SLIT2: variants seen among roughly 807,000 people sequenced by gnomAD.
SLIT2 encodes slit homolog 2 protein.
SLIT2 carries 41 observed loss-of-function variants against 185.7 expected under a neutral mutation model. That is an observed-to-expected ratio of 0.22 (90% CI 0.17 to 0.29). The LOEUF (loss-of-function observed/expected upper bound fraction) is 0.29. Ranked by LOEUF, SLIT2 falls within the 10% of genes least tolerant of loss-of-function variation. The pLI is 1.00. For missense variants in SLIT2, 1,571 were observed against 1,909.0 expected, an observed-to-expected ratio of 0.82 and a Z score of 3.30; for synonymous variants, 693 against 680.2, an observed-to-expected ratio of 1.02 and a Z score of -0.29.
chr4:20,268,820 A>G lies in SLIT2; in HGVS notation c.334A>G (p.Arg112Gly). Reference sequence around the variant, plus strand: ...TTGTTTTCTCAAAAGGCGTTTAAACAGAAATCACCTTCAGCTGTTTCCTGA... The same window carrying G: ...TTGTTTTCTCAAAAGGCGTTTAAACGGAAATCACCTTCAGCTGTTTCCTGA... ...LKELERLRLN[R>G]NHLQLFPELL... The change falls in exon 4 of 37, where the codon AGA (arginine) becomes GGA (glycine). Residue 112 changes from arginine (R) to glycine (G), a missense_variant. Transcript: ENST00000504154. The G allele has an allele frequency of 3.7e-6, 6 of 1,610,530 alleles. No homozygotes were observed. Among genetic ancestry groups the G allele is most frequent in the Admixed American group, 3.3e-5 (2 of 59,900 alleles).
Position 20,610,109 on chromosome 4 carries a change from C to T in SLIT2, c.3789C>T (p.Ile1263=), listed in dbSNP as rs748363658. The T allele has an allele frequency of 2.5e-6, 4 of 1,613,766 alleles. No individual in the cohort carries two copies. In the South Asian group the frequency reaches 4.4e-5, roughly 18 times the overall value. Reference sequence around the variant, plus strand: ...CCGTGGATGGTGGGAACCCCAAAATCATCACTAACTTGTCAAAGCAGTCCA... The same window carrying T: ...CCGTGGATGGTGGGAACCCCAAAATTATCACTAACTTGTCAAAGCAGTCCA... ...SLSVDGGNPK[I]ITNLSKQSTL... Residue 1263 remains isoleucine (I), a synonymous_variant, in exon 34 of 37, where the codon ATC becomes ATT. Coordinates refer to ENST00000504154, the MANE Select transcript of SLIT2 (RefSeq NM_004787.4).
chr4:20,450,926 G>GA (rs1255297277), intron 4 of SLIT2, among the ~76,000 whole-genome samples: 1 of 152,010 alleles, frequency 6.6e-6, no homozygotes, highest in East Asian at 1.9e-4. Flanking sequence ...AAAGTAAAAA[G>GA]AAAAAGGAGA....
Position 20,518,559 on chromosome 4 carries a change from A to ATGTG in SLIT2, c.1059-822_1059-821insGTGT, listed in dbSNP as rs1418734678. On this transcript the variant is annotated intron_variant, in intron 11 of 36. Transcript: ENST00000504154. Reference sequence around the variant, plus strand: ...GAGCCACTGTGCCCAGCCTATATGTATATATATATATATATATATATATAT... The same window carrying ATGTG: ...GAGCCACTGTGCCCAGCCTATATGTATGTGTATATATATATATATATATATATAT... Among the ~76,000 whole-genome samples the ATGTG allele has an allele frequency of 5.9e-3, 54 of 9,204 alleles. 2 individuals carry two copies. The highest frequency in any genetic ancestry group is 0.02 in the African/African-American group (50 of 2,458). 6.0% of individuals were successfully genotyped at this position (9,204 alleles called of 152,430 possible).
At chr4:20,516,690 T>A (rs1378453492) in intron 11 of SLIT2, among the ~76,000 whole-genome samples, 2 of 152,186 alleles carry the variant, frequency 1.3e-5, no homozygotes, top group African/African-American at 4.8e-5. Context: ...ATATTTTAAC[T>A]AATTTTCCTT....
At chr4:20,355,065 G>A (rs150561099) in intron 4 of SLIT2, among the ~76,000 whole-genome samples, 53 of 151,834 alleles carry the variant, frequency 3.5e-4, no homozygotes, top group African/African-American at 1.2e-3. Context: ...CCTAATTTTC[G>A]TGTTGATTAA....
intron 9 of SLIT2, among the ~76,000 whole-genome samples, chr4:20,505,153 AT>A (rs1173709585): frequency 6.6e-6 from 1 of 151,930 alleles, no homozygotes; most frequent in Non-Finnish European, 1.5e-5. Context: ...AAAATACCAT[AT>A]TTTTTTCTAC....
chr4:20,467,373 G>A (rs950612277), intron 4 of SLIT2, among the ~76,000 whole-genome samples: 12 of 152,014 alleles, frequency 7.9e-5, no homozygotes, highest in Admixed American at 5.9e-4. Flanking sequence ...TATGCCAGGG[G>A]TGTTGGAGAA....
chr4:20,556,729 TAAC>T (rs760421836), intron 26 of SLIT2, among the ~76,000 whole-genome samples: 2 of 135,538 alleles, frequency 1.5e-5, no homozygotes, highest in Admixed American at 7.8e-5. Flanking sequence ...TAGAAATTAT[TAAC>T]AACAACAACA....
intron 4 of SLIT2, among the ~76,000 whole-genome samples, chr4:20,298,069 G>A (rs1407055367): frequency 1.3e-5 from 2 of 151,398 alleles, no homozygotes; most frequent in African/African-American, 4.9e-5. Flanking sequence ...ATAGTAATCG[G>A]TATCTTCTGT....
intron 29 of SLIT2, chr4:20,573,302 T>C (rs577313792): frequency 1.4e-6 from 1 of 702,876 alleles, no homozygotes; most frequent in Admixed American, 2.0e-5. Context: ...CATTTTAGTC[T>C]CCCTCTTTCT....
At position 20,557,408 on chromosome 4, in the gene SLIT2, C is replaced by T. The variant is rs939538144; in HGVS notation, c.2725+3440C>T. 5.9e-5 allele frequency among the ~76,000 whole-genome samples: 9 copies of T among 152,078 alleles called. No individual in the cohort carries two copies. The South Asian group carries it at 6.2e-4, about 11-fold the overall frequency. On this transcript the variant is annotated intron_variant, in intron 26 of 36. Coordinates refer to ENST00000504154, the MANE Select transcript of SLIT2 (RefSeq NM_004787.4). The stretch of plus-strand genomic sequence containing the variant: ...AAAATCCTAGAGCCCTTGATAATTA[C>T]GGTAAATCTACTCTGCTTATGCTCT...
rs538787663 is a variant in SLIT2, at chr4:20,530,437, CCA to C, written c.1613+1342_1613+1343del. On this transcript the variant is annotated intron_variant, in intron 16 of 36. Transcript: ENST00000504154. ...AAGCTGGGACCTCAGGCATGCACCA[CCA>C]CACCCAGCTAATTTTGTACTTTTTG... Among the ~76,000 whole-genome samples the C allele has an allele frequency of 8.8e-3, 1,342 of 152,152 alleles. 7 individuals carry two copies. Among genetic ancestry groups the C allele is most frequent in the Non-Finnish European group, 0.014 (924 of 67,998 alleles).
chr4:20,571,179 C>A (rs1725575755), intron 29 of SLIT2, among the ~76,000 whole-genome samples: 1 of 152,106 alleles, frequency 6.6e-6, no homozygotes, highest in African/African-American at 2.4e-5. Context: ...TGGGAACTTG[C>A]CATGAGTATC....
intron 26 of SLIT2, among the ~76,000 whole-genome samples, chr4:20,563,900 G>A (rs1308423410): frequency 6.6e-6 from 1 of 151,714 alleles, no homozygotes; most frequent in Non-Finnish European, 1.5e-5. Context: ...TGGAATGGCT[G>A]CCATTATCCT....
rs748416688 is a variant in SLIT2, at chr4:20,254,064, C to T, written c.179+70C>T. 15 of 1,485,784 alleles carry T rather than the reference C, an allele frequency of 1.0e-5. No individual in the cohort carries two copies. Among genetic ancestry groups the T allele is most frequent in the Non-Finnish European group, 1.3e-5 (14 of 1,091,494 alleles). 92.0% of individuals were successfully genotyped at this position (1,485,784 alleles called of 1,614,324 possible). ...GCACCCCTGCCTCCACTGGAGGAAC[C>T]TGTCAGCTCAGGGTCCTGTGCCTGG... On this transcript the variant is annotated intron_variant, in intron 1 of 36. Coordinates refer to ENST00000504154, the MANE Select transcript of SLIT2 (RefSeq NM_004787.4). This position sits in a 1 kb window ranked among gnomAD's most constrained non-coding sequence, Gnocchi z 5.1.
intron 8 of SLIT2, among the ~76,000 whole-genome samples, chr4:20,491,539 A>G (rs1297320342): frequency 1.3e-5 from 2 of 152,176 alleles, no homozygotes; most frequent in Non-Finnish European, 2.9e-5. Context: ...TCTTATGACC[A>G]GTTTTTAGAA....
rs367855245 is a variant in SLIT2, at chr4:20,417,436, G to GTATATATA, written c.396-50301_396-50294dup. Among the ~76,000 whole-genome samples, 237 of 123,674 alleles carry GTATATATA rather than the reference G, an allele frequency of 1.9e-3. 8 individuals are homozygous for GTATATATA. Among genetic ancestry groups the GTATATATA allele is most frequent in the South Asian group, 0.012 (49 of 4,112 alleles). 81.1% of individuals were successfully genotyped at this position (123,674 alleles called of 152,430 possible). A position where few individuals can be genotyped will look rare whatever the true frequency, so the allele number is the denominator to read the frequency against. ...CGCAATCATATATATATGTGTGTGTGTATATATATATATATATATATACGT... is the reference window on the plus strand; with the variant it reads ...CGCAATCATATATATATGTGTGTGTGTATATATATATATATATATATATATATATACGT... On this transcript the variant is annotated intron_variant, in intron 4 of 36. Coordinates refer to ENST00000504154, the MANE Select transcript of SLIT2 (RefSeq NM_004787.4).
At chr4:20,430,944 G>A (rs1728927800) in intron 4 of SLIT2, among the ~76,000 whole-genome samples, 1 of 152,148 alleles carries the variant, frequency 6.6e-6, no homozygotes, top group Non-Finnish European at 1.5e-5. Context: ...TGTATGCCAA[G>A]TAACTGTCCA....
intron 3 of SLIT2, among the ~76,000 whole-genome samples, chr4:20,264,854 A>G (rs1712864131): frequency 6.6e-6 from 1 of 151,930 alleles, no homozygotes; most frequent in African/African-American, 2.4e-5. Flanking sequence ...TGCCATCTAG[A>G]GAATTATCAA....
Sources: allele counts gnomAD v4.1 joint callset (sites outside exome capture counted in the v4.1 genomes callset), GRCh38; gene constraint gnomAD v4.1.1; non-coding constraint Gnocchi (gnomAD v3.1); transcripts MANE v1.5; gene names NCBI Gene and HGNC (gene_info 2026-07-23, HGNC 2026-07-21).